Variants in DNAAF1 observed in about 807,000 individuals in gnomAD.
The protein encoded by DNAAF1 is dynein assembly factor 1, axonemal.
DNAAF1 carries 65 observed loss-of-function variants against 71.1 expected under a neutral mutation model. That is an observed-to-expected ratio of 0.91 (90% CI 0.75 to 1.12). The LOEUF (loss-of-function observed/expected upper bound fraction) is 1.12. Among genes scored for constraint, DNAAF1 ranks in the 50% most tolerant of loss-of-function variants. The pLI, the probability that DNAAF1 is intolerant of heterozygous loss-of-function variation, is 0.00. For missense variants in DNAAF1, 1,178 were observed against 899.8 expected (o/e 1.31, Z -3.96); for synonymous variants, 414 against 354.6 (o/e 1.17, Z -1.88).
chr16:84,170,533 G>A (rs1215398035), intron 8 of DNAAF1, among the ~76,000 whole-genome samples, 177 bp downstream of exon 8: 1 of 152,184 alleles, frequency 6.6e-6, no homozygotes, highest in East Asian at 1.9e-4. Context: ...AACAGAAATG[G>A]AACAGGAGCC....
intron 8 of DNAAF1, among the ~76,000 whole-genome samples, chr16:84,172,005 G>A (rs968586251): frequency 6.6e-6 from 1 of 151,576 alleles, no homozygotes; most frequent in African/African-American, 2.4e-5. Flanking sequence ...AGCCTCCCAA[G>A]TAGCTGAGAC....
chr16:84,155,794 C>G lies in DNAAF1; in HGVS notation c.741+45C>G, dbSNP rs373648564. On this transcript the variant is annotated intron_variant, in intron 5 of 11. Transcript: ENST00000378553. The stretch of plus-strand genomic sequence containing the variant: ...ACAACGAAAAAGCACCACAGGAAAC[C>G]GCTTCTATTATTTTCATCAAATATC... 2.5e-6 allele frequency: 4 copies of G among 1,606,514 alleles called. No homozygotes were observed. In the Admixed American group the frequency reaches 6.7e-5, roughly 27 times the overall value.
intron 4 of DNAAF1, among the ~76,000 whole-genome samples, chr16:84,155,108 C>T (rs1284158071): frequency 6.6e-6 from 1 of 152,150 alleles, no homozygotes; most frequent in African/African-American, 2.4e-5. Context: ...CGGGGTTTCA[C>T]CGTGTTAGCC....
intron 8 of DNAAF1, among the ~76,000 whole-genome samples, chr16:84,170,899 CAT>C (rs761378952): frequency 2.0e-5 from 3 of 152,036 alleles, no homozygotes; most frequent in African/African-American, 7.3e-5. Flanking sequence ...CTATTAATGA[CAT>C]GTTTAATTTA....
intron 3 of DNAAF1, among the ~76,000 whole-genome samples, chr16:84,152,826 G>A (rs938018256): frequency 1.3e-4 from 19 of 151,954 alleles, no homozygotes; most frequent in Admixed American, 2.6e-4. Flanking sequence ...TGGTGATGGC[G>A]GGTACCTGTA....
chr16:84,152,064 G>A (rs1387035750), intron 3 of DNAAF1, among the ~76,000 whole-genome samples: 2 of 152,250 alleles, frequency 1.3e-5, no homozygotes, highest in Admixed American at 6.5e-5. Flanking sequence ...CGCAGGGCCT[G>A]TGGGCCAGAT....
intron 2 of DNAAF1, among the ~76,000 whole-genome samples, 163 bp from the exon 3 acceptor site, chr16:84,150,088 A>G (rs957787090): frequency 6.6e-6 from 1 of 152,212 alleles, no homozygotes; most frequent in African/African-American, 2.4e-5. Flanking sequence ...AAAGAAGAAG[A>G]AAAAGGAAAG....
At chr16:84,147,036 A>G (rs1186474201) in intron 1 of DNAAF1, among the ~76,000 whole-genome samples, 1 of 152,196 alleles carries the variant, frequency 6.6e-6, no homozygotes, top group Non-Finnish European at 1.5e-5. Flanking sequence ...GAGGCTCAGC[A>G]GCTGGCCAGC....
chr16:84,149,305 C>T (rs552198211), intron 2 of DNAAF1, among the ~76,000 whole-genome samples, 163 bp downstream of exon 2: 4 of 152,240 alleles, frequency 2.6e-5, no homozygotes, highest in Admixed American at 6.5e-5. Context: ...CACAGCTGAG[C>T]GCACATTCTA....
At chr16:84,150,363 G>A (rs745624714) in intron 3 of DNAAF1, 21 bp downstream of exon 3, 1 of 1,544,196 alleles carries the variant, frequency 6.5e-7, no homozygotes, top group Non-Finnish European at 9.0e-7. Context: ...AAGAGAGGAA[G>A]TGCTTCACGT....
rs1330214299 is a variant in DNAAF1 at position 84,176,682 on chromosome 16, C to G, written c.2065+383C>G. ...AGACCAGGGCTTTTGGAGGGGACCA[C>G]CAACACCACTGCTGGGGAGTGTGGG... On this transcript the variant is annotated intron_variant, in intron 11 of 11. Coordinates refer to ENST00000378553, the MANE Select transcript of DNAAF1 (RefSeq NM_178452.6). 1.1e-5 allele frequency: 4 copies of G among 349,886 alleles called. No homozygotes were observed. In the East Asian group the frequency reaches 2.1e-4, roughly 19 times the overall value. The allele number at this position is 349,886 out of a possible 1,614,324, so 21.7% of individuals were successfully genotyped here.
chr16:84,176,086 C>T lies in DNAAF1; in HGVS notation c.1852C>T (p.Arg618Trp), dbSNP rs369294412. Residue 618 changes from arginine to tryptophan, a missense_variant, in exon 11 of 12, where the codon CGG becomes TGG. Arg to Trp is a moderately radical substitution (Grantham distance 101). Coordinates refer to ENST00000378553, the MANE Select transcript of DNAAF1 (RefSeq NM_178452.6). The stretch of plus-strand genomic sequence containing the variant: ...CTCTAAAGACACCTCAAAGGCGGCT[C>T]GGGTGCCCTTCACAGACATCTTTAA... ...AVSKDTSKAA[R>W]VPFTDIFKKE... 54 of 1,614,040 alleles carry T rather than the reference C, an allele frequency of 3.3e-5. No homozygotes were observed. The African/African-American group carries it at 4.0e-4, about 12-fold the overall frequency.
intron 5 of DNAAF1, among the ~76,000 whole-genome samples, chr16:84,156,123 C>T (rs1245958882): frequency 6.6e-6 from 1 of 152,094 alleles, no homozygotes; most frequent in Non-Finnish European, 1.5e-5. Context: ...CCATCACACC[C>T]AGCTAATTTT....
At chr16:84,160,802 GT>G (rs2151237638) in intron 6 of DNAAF1, among the ~76,000 whole-genome samples, 1 of 150,424 alleles carries the variant, frequency 6.6e-6, no homozygotes, top group Non-Finnish European at 1.5e-5. Context: ...GGGCGTGGTG[GT>G]GGGCGCCTGT....
At chr16:84,149,977 A>G (rs1399007487) in intron 2 of DNAAF1, among the ~76,000 whole-genome samples, 2 of 152,008 alleles carry the variant, frequency 1.3e-5, no homozygotes, top group African/African-American at 2.4e-5. Flanking sequence ...GTGAGCTGAG[A>G]TTGTGCCATT....
At chr16:84,163,021 C>T (rs2087788503) in intron 6 of DNAAF1, among the ~76,000 whole-genome samples, 1 of 152,182 alleles carries the variant, frequency 6.6e-6, no homozygotes, top group African/African-American at 2.4e-5. Flanking sequence ...ATCTGCGATG[C>T]AGCGTGTTCC....
intron 6 of DNAAF1, among the ~76,000 whole-genome samples, chr16:84,161,787 G>A (rs1239189818): frequency 6.6e-6 from 1 of 151,870 alleles, no homozygotes; most frequent in African/African-American, 2.4e-5. Flanking sequence ...CACTCTCCAT[G>A]ACCTATCTAA....
intron 7 of DNAAF1, among the ~76,000 whole-genome samples, chr16:84,166,210 G>A (rs977643636): frequency 6.6e-6 from 1 of 151,764 alleles, no homozygotes; most frequent in African/African-American, 2.4e-5. Context: ...GTACCACCAT[G>A]CCTGGCTAGT....
At chr16:84,169,529 C>T (rs2088209931) in intron 7 of DNAAF1, among the ~76,000 whole-genome samples, 1 of 152,140 alleles carries the variant, frequency 6.6e-6, no homozygotes, top group South Asian at 2.1e-4. Context: ...AAGCGATTCT[C>T]CTGCCTCAGC....
Sources: allele counts gnomAD v4.1 joint callset (sites outside exome capture counted in the v4.1 genomes callset), GRCh38; gene constraint gnomAD v4.1.1; transcripts MANE v1.5; gene names NCBI Gene and HGNC (gene_info 2026-07-23, HGNC 2026-07-21).